NELL1: variants seen among roughly 807,000 people sequenced by gnomAD.
NELL1 encodes protein kinase C-binding protein NELL1.
A neutral mutation model predicts 107.4 loss-of-function variants in NELL1; 76 were observed. The observed-to-expected ratio is 0.71, with a 90% CI of 0.59 to 0.86. The LOEUF is 0.86. Among genes scored for constraint, NELL1 ranks in the 40% least tolerant of loss-of-function variants. NELL1 has a pLI of 0.00. For missense variants in NELL1, 1,024 were observed against 1,005.5 expected, an observed-to-expected ratio of 1.02 and a Z score of -0.25; for synonymous variants, 353 against 341.2, an observed-to-expected ratio of 1.03 and a Z score of -0.38.
At chr11:21,197,985 C>T (rs1482278212) in intron 13 of NELL1, among the ~76,000 whole-genome samples, 1 of 152,158 alleles carries the variant, frequency 6.6e-6, no homozygotes, top group Non-Finnish European at 1.5e-5. Flanking sequence ...GTCAATAATT[C>T]AGATAGAGCC....
chr11:20,844,429 C>G (rs940809979), intron 3 of NELL1, among the ~76,000 whole-genome samples: 1 of 152,170 alleles, frequency 6.6e-6, no homozygotes, highest in Non-Finnish European at 1.5e-5. Context: ...AGGTCCAAGG[C>G]TAAGGGCTTG....
chr11:21,377,799 C>T (rs1166357807), intron 15 of NELL1, among the ~76,000 whole-genome samples: 1 of 151,996 alleles, frequency 6.6e-6, no homozygotes, highest in East Asian at 1.9e-4. Flanking sequence ...CATCCATTTC[C>T]TCTAGATTTG....
chr11:21,107,558 G>T (rs957528045), intron 12 of NELL1, among the ~76,000 whole-genome samples: 2 of 152,134 alleles, frequency 1.3e-5, no homozygotes, highest in African/African-American at 2.4e-5. Flanking sequence ...TTTCAGGGGA[G>T]ATGTCAACGC....
chr11:21,075,274 T>C (rs879922411), intron 12 of NELL1, among the ~76,000 whole-genome samples: 2 of 152,188 alleles, frequency 1.3e-5, no homozygotes, highest in Admixed American at 1.3e-4. Context: ...CTATCCCTTG[T>C]TTGTTGCACA....
intron 16 of NELL1, among the ~76,000 whole-genome samples, chr11:21,559,149 C>A (rs532510928): frequency 5.3e-4 from 81 of 152,222 alleles, no homozygotes; most frequent in African/African-American, 1.8e-3. Context: ...TTCTTAATGT[C>A]ATCTGCTTTG....
Position 20,764,639 on chromosome 11 carries a change from G to A in NELL1, c.185-19041G>A, listed in dbSNP as rs940634838. On this transcript the variant is annotated intron_variant, in intron 2 of 19. Coordinates refer to ENST00000357134, the MANE Select transcript of NELL1 (RefSeq NM_006157.5). ...TTTTTTTTTTTTTGAGTCTCTCAGG[G>A]TGCAGACTGAAAATCACATTTAAAA... 2.0e-5 allele frequency among the ~76,000 whole-genome samples: 3 copies of A among 149,624 alleles called. No individual in the cohort carries two copies. The South Asian group carries it at 6.3e-4, about 32-fold the overall frequency.
intron 15 of NELL1, among the ~76,000 whole-genome samples, chr11:21,457,462 A>T (rs1041339445): frequency 1.3e-5 from 2 of 152,198 alleles, no homozygotes; most frequent in Non-Finnish European, 2.9e-5. Context: ...CTGTTCATTA[A>T]GAACAGTGAG....
At chr11:21,159,320 G>T (rs996383959) in intron 13 of NELL1, among the ~76,000 whole-genome samples, 3 of 152,102 alleles carry the variant, frequency 2.0e-5, no homozygotes, top group Non-Finnish European at 2.9e-5. Context: ...AGCTTAATAT[G>T]CCTGATCATG....
chr11:21,574,827 T>A (rs1057063182), intron 19 of NELL1, 145 bp from the exon 20 acceptor site: 1 of 652,974 alleles, frequency 1.5e-6, no homozygotes, highest in Non-Finnish European at 2.7e-6. Flanking sequence ...CTAGTTTTTT[T>A]CCTAGCATTT....
At position 20,702,759 on chromosome 11, in the gene NELL1, T is replaced by C. The variant is rs1854829658; in HGVS notation, c.184+24699T>C. On this transcript the variant is annotated intron_variant, in intron 2 of 19. Coordinates refer to ENST00000357134, the MANE Select transcript of NELL1 (RefSeq NM_006157.5). Reference sequence around the variant, plus strand: ...TGACAAAGGCCTTTTCTGCATCTATTGAGAAATCATGTAGTTTTTGTCTTT... The same window carrying C: ...TGACAAAGGCCTTTTCTGCATCTATCGAGAAATCATGTAGTTTTTGTCTTT... Among the ~76,000 whole-genome samples the C allele has an allele frequency of 2.0e-5, 3 of 152,226 alleles. No homozygotes were observed. In the South Asian group the frequency reaches 6.2e-4, roughly 32 times the overall value.
intron 3 of NELL1, among the ~76,000 whole-genome samples, chr11:20,800,596 G>C (rs1315373795): frequency 2.0e-5 from 3 of 152,138 alleles, no homozygotes; most frequent in African/African-American, 7.2e-5. Flanking sequence ...CTGGATATTA[G>C]ACCTCTGTTA....
At chr11:21,036,715 ATC>A (rs890550818) in intron 12 of NELL1, among the ~76,000 whole-genome samples, 20 of 149,778 alleles carry the variant, frequency 1.3e-4, no homozygotes, top group East Asian at 1.9e-4. Context: ...AATTTCAGTG[ATC>A]TCTCTCTCTC....
At position 21,209,053 on chromosome 11, in the gene NELL1, G is replaced by C. The variant is rs561196114; in HGVS notation, c.1427-20279G>C. Among the ~76,000 whole-genome samples the C allele has an allele frequency of 2.0e-5, 3 of 152,246 alleles. No homozygotes were observed. In the East Asian group the frequency reaches 5.8e-4, roughly 29 times the overall value. ...ACTTTTGTCTAATACCCCCAGAACTGTAGTGGGATCCTACTGGGCACAAAG... is the reference window on the plus strand; with the variant it reads ...ACTTTTGTCTAATACCCCCAGAACTCTAGTGGGATCCTACTGGGCACAAAG... On this transcript the variant is annotated intron_variant, in intron 13 of 19. Transcript: ENST00000357134.
chr11:21,463,348 C>T (rs1853947124), intron 15 of NELL1, among the ~76,000 whole-genome samples: 1 of 152,032 alleles, frequency 6.6e-6, no homozygotes, highest in South Asian at 2.1e-4. Flanking sequence ...AATTAATATT[C>T]GACCATATTG....
At chr11:21,174,209 A>G (rs1449946274) in intron 13 of NELL1, among the ~76,000 whole-genome samples, 3 of 151,824 alleles carry the variant, frequency 2.0e-5, no homozygotes, top group African/African-American at 7.3e-5. Flanking sequence ...AGATACTGCT[A>G]TTAGATAACT....
At chr11:21,035,820 G>A (rs1853077575) in intron 12 of NELL1, among the ~76,000 whole-genome samples, 1 of 152,052 alleles carries the variant, frequency 6.6e-6, no homozygotes, top group East Asian at 1.9e-4. Flanking sequence ...TTGAAAACTG[G>A]CACAAGACAA....
At chr11:21,107,772 T>A (rs1855005433) in intron 12 of NELL1, among the ~76,000 whole-genome samples, 1 of 152,178 alleles carries the variant, frequency 6.6e-6, no homozygotes, top group Non-Finnish European at 1.5e-5. Context: ...TTAGAAGTGA[T>A]GGTTGGCTAA....
At chr11:21,096,569 C>T (rs1854648096) in intron 12 of NELL1, among the ~76,000 whole-genome samples, 1 of 152,174 alleles carries the variant, frequency 6.6e-6, no homozygotes, top group Non-Finnish European at 1.5e-5. Flanking sequence ...CTCCTGGCCA[C>T]TCCCCCTCAT....
At chr11:21,120,418 A>G (rs1855339521) in intron 13 of NELL1, among the ~76,000 whole-genome samples, 1 of 152,160 alleles carries the variant, frequency 6.6e-6, no homozygotes, top group South Asian at 2.1e-4. Context: ...TAGCAGAGCC[A>G]CATGAAATGG....
Sources: gnomAD v4.1 joint callset for allele counts (sites outside exome capture counted in the v4.1 genomes callset) on GRCh38, gnomAD v4.1.1 for gene constraint, MANE v1.5 for transcripts, NCBI Gene and HGNC (gene_info 2026-07-23, HGNC 2026-07-21) for gene names.